The following SLC5A5 variants were observed in gnomAD, a reference collection of about 807,000 sequenced individuals.
SLC5A5 encodes solute carrier family 5 member 5, also known as sodium/iodide cotransporter.
A neutral mutation model predicts 68.6 loss-of-function variants in SLC5A5; 56 were observed. The ratio of observed to expected loss-of-function variants is 0.82; its 90% CI spans 0.66 to 1.02. The LOEUF is 1.02. Among genes scored for constraint, SLC5A5 ranks in the 50% least tolerant of loss-of-function variants. The pLI, the probability that SLC5A5 is intolerant of heterozygous loss-of-function variation, is 0.00. For missense variants in SLC5A5, 807 were observed against 859.8 expected, an observed-to-expected ratio of 0.94 and a Z score of 0.77; for synonymous variants, 398 against 373.0, an observed-to-expected ratio of 1.07 and a Z score of -0.77.
intron 2 of SLC5A5, 54 bp from the exon 3 acceptor site, chr19:17,874,439 TC>T: frequency 6.4e-7 from 1 of 1,552,504 alleles, no homozygotes; most frequent in Non-Finnish European, 8.9e-7. Context: ...CCTCTCCCCA[TC>T]CCCAACTCGC....
chr19:17,888,528 G>C (rs1460331270), intron 13 of SLC5A5, 73 bp downstream of exon 13: 1 of 1,578,020 alleles, frequency 6.3e-7, no homozygotes, highest in Non-Finnish European at 8.7e-7. Flanking sequence ...ACCCAGCAGG[G>C]AGGGGAGAAA....
chr19:17,892,452 A>G (rs905525540), intron 14 of SLC5A5, among the ~76,000 whole-genome samples: 5 of 152,028 alleles, frequency 3.3e-5, no homozygotes, highest in Admixed American at 2.0e-4. Context: ...CCTGGCCAAC[A>G]TGGTGAAACC....
At chr19:17,893,611 C>A (rs944997891) in intron 14 of SLC5A5, 102 bp from the exon 15 acceptor site, 1 of 1,192,086 alleles carries the variant, frequency 8.4e-7, no homozygotes, top group East Asian at 2.5e-5. Flanking sequence ...GTGCACGCCC[C>A]GTCCCGCCAG....
At position 17,882,259 on chromosome 19, in the gene SLC5A5, G is replaced by A. The variant is rs555136045; in HGVS notation, c.1242+40G>A. On this transcript the variant is annotated intron_variant, in intron 10 of 14. Transcript: ENST00000222248. ...GCCCCCTGCCCTGGTCTCCTGAGAGGTGGGGGCACCTTTCCCTCTTTCCCA... is the reference window on the plus strand; with the variant it reads ...GCCCCCTGCCCTGGTCTCCTGAGAGATGGGGGCACCTTTCCCTCTTTCCCA... 68 of 1,524,612 alleles carry A rather than the reference G, an allele frequency of 4.5e-5. No individual in the cohort carries two copies. The East Asian group carries it at 1.4e-3, about 30-fold the overall frequency. 94.4% of individuals were successfully genotyped at this position (1,524,612 alleles called of 1,614,324 possible). A position where few individuals can be genotyped will look rare whatever the true frequency, so the allele number is the denominator to read the frequency against.
At chr19:17,872,740 G>A in intron 1 of SLC5A5, 64 bp downstream of exon 1, 1 of 1,075,406 alleles carries the variant, frequency 9.3e-7, no homozygotes, top group Non-Finnish European at 1.4e-6. Flanking sequence ...CCGTGTGGGG[G>A]AGGCGCTGGG....
chr19:17,874,474 GC>G lies in SLC5A5; in HGVS notation c.424-16del, dbSNP rs766017986. On this transcript the variant is annotated intron_variant, in intron 2 of 14. Transcript: ENST00000222248. ...GCCCAGACGCCCTCCCTGCTCACCCGCCCCACACTCTGTCTACAGATGCTGT... is the reference window on the plus strand; with the variant it reads ...GCCCAGACGCCCTCCCTGCTCACCCGCCCACACTCTGTCTACAGATGCTGT... 2.5e-6 allele frequency: 4 copies of G among 1,613,186 alleles called. No individual in the cohort carries two copies. Among genetic ancestry groups the G allele is most frequent in the Non-Finnish European group, 3.4e-6 (4 of 1,179,700 alleles).
Position 17,892,695 on chromosome 19 carries a change from A to C in SLC5A5, c.1768-1018A>C, listed in dbSNP as rs142375706. On this transcript the variant is annotated intron_variant, in intron 14 of 14. Coordinates refer to ENST00000222248, the MANE Select transcript of SLC5A5 (RefSeq NM_000453.3). ...GAGAGAGAGAGAGAGAGAGAGAGAGAGAGCAAGCTAAAAAGAAAAACGTGT... is the reference window on the plus strand; with the variant it reads ...GAGAGAGAGAGAGAGAGAGAGAGAGCGAGCAAGCTAAAAAGAAAAACGTGT... 9.2e-4 allele frequency among the ~76,000 whole-genome samples: 137 copies of C among 148,704 alleles called. No individual in the cohort carries two copies. The East Asian group carries it at 0.011, about 12-fold the overall frequency.
chr19:17,874,107 T>G, intron 1 of SLC5A5, 31 bp from the exon 2 acceptor site: 1 of 1,548,612 alleles, frequency 6.5e-7, no homozygotes, highest in Non-Finnish European at 8.9e-7. Flanking sequence ...GGGTAAGGAC[T>G]GTCCAGGTGA....
At chr19:17,877,884 G>C (rs549869281) in intron 6 of SLC5A5, 21 bp downstream of exon 6, 1 of 1,614,072 alleles carries the variant, frequency 6.2e-7, no homozygotes, top group African/African-American at 1.3e-5. Context: ...CGGGGAGCAA[G>C]GTCGGGGTTT....
At chr19:17,882,734 A>G (rs1789580896) in intron 10 of SLC5A5, among the ~76,000 whole-genome samples, 1 of 151,328 alleles carries the variant, frequency 6.6e-6, no homozygotes, top group Admixed American at 6.6e-5. Context: ...CCCAGGCTGG[A>G]GTGCAGTGGC....
intron 14 of SLC5A5, among the ~76,000 whole-genome samples, chr19:17,893,187 A>G (rs1599937728): frequency 6.9e-6 from 1 of 144,566 alleles, no homozygotes. Flanking sequence ...TGCAGCCCCA[A>G]CCTCCATGGT....
intron 1 of SLC5A5, among the ~76,000 whole-genome samples, chr19:17,873,040 G>A (rs1483662393): frequency 1.3e-5 from 2 of 152,192 alleles, no homozygotes; most frequent in Admixed American, 1.3e-4. Context: ...CGGCTCCGGG[G>A]TTCGAAACCT....
In SLC5A5 at chr19:17,874,503, A is replaced by G. The variant is rs776374793; in HGVS notation, c.433A>G (p.Thr145Ala). 1 of 1,613,780 alleles carries G rather than the reference A, an allele frequency of 6.2e-7. No homozygotes were observed. Among genetic ancestry groups the G allele is most frequent in the East Asian group, 2.2e-5 (1 of 44,870 alleles). ...CACACTCTGTCTACAGATGCTGTAC[A>G]CCGGCATCGTAATCTACGCACCGGC... ...LQYIVATMLY[T>A]GIVIYAPALI... The change falls in exon 3 of 15, where the codon ACC becomes GCC. Residue 145 changes from threonine (T) to alanine (A), a missense_variant. By Grantham distance (58) the Thr-to-Ala change is moderately conservative (BLOSUM62 0). Transcript: ENST00000222248.
intron 12 of SLC5A5, 21 bp downstream of exon 12, chr19:17,884,067 G>A (rs777174344): frequency 2.0e-6 from 3 of 1,537,664 alleles, no homozygotes; most frequent in East Asian, 4.8e-5. Context: ...TTGAGGGTAG[G>A]GGGGTACCCG....
Position 17,894,010 on chromosome 19 carries a change from A to C in SLC5A5, c.*133A>C. 2.3e-6 allele frequency: 2 copies of C among 878,798 alleles called. No individual in the cohort carries two copies. Among genetic ancestry groups the C allele is most frequent in the South Asian group, 1.5e-5 (1 of 67,196 alleles). The allele number at this position is 878,798 out of a possible 1,614,324, so 54.4% of individuals were successfully genotyped here. On this transcript the variant is annotated 3_prime_UTR_variant, in exon 15 of 15. Coordinates refer to ENST00000222248, the MANE Select transcript of SLC5A5 (RefSeq NM_000453.3). Reference sequence around the variant, plus strand: ...ATGCAAATGAGTTCAGGACTACAATACCCTACCCTATGGGGAGGCCCTGCC... The same window carrying C: ...ATGCAAATGAGTTCAGGACTACAATCCCCTACCCTATGGGGAGGCCCTGCC...
chr19:17,884,020 T>G lies in SLC5A5; in HGVS notation c.1500T>G (p.Pro500=), dbSNP rs2094327760. The change falls in exon 12 of 15, where the codon CCT becomes CCG. Residue 500 remains proline (P), a synonymous_variant. Transcript: ENST00000222248. ...GCCTCCTGGACCCGGCTCTCCTCCC[T>G]GCTAACGACTCCAGCAGGGCCCCCA... ...ASGLLDPALL[P]ANDSSRAPSS... The G allele has an allele frequency of 6.4e-7, 1 of 1,571,748 alleles. No homozygotes were observed. The highest frequency in any genetic ancestry group is 8.6e-7 in the Non-Finnish European group (1 of 1,160,812).
chr19:17,874,189 T>C lies in SLC5A5; in HGVS notation c.409T>C (p.Tyr137His), dbSNP rs2094300964. 1.9e-6 allele frequency: 3 copies of C among 1,611,190 alleles called. No homozygotes were observed. The highest frequency in any genetic ancestry group is 3.3e-5 in the Admixed American group (2 of 59,988). Residue 137 changes from tyrosine (Y) to histidine (H), a missense_variant, in exon 2 of 15, where the codon TAC becomes CAC. Transcript: ENST00000222248. ...RAVRLCGTLQYIVATMLYTGI... is the reference protein window; with the variant it reads ...RAVRLCGTLQHIVATMLYTGI... ...AGTGCGGCTCTGCGGGACTTTGCAGTACATTGTAGCCACGGTGAGTGGCCT... is the reference window on the plus strand; with the variant it reads ...AGTGCGGCTCTGCGGGACTTTGCAGCACATTGTAGCCACGGTGAGTGGCCT...
At position 17,875,981 on chromosome 19, in the gene SLC5A5, T is replaced by C; in HGVS notation, c.573T>C (p.Asp191=). The change falls in exon 5 of 15, where the codon GAT becomes GAC. Residue 191 remains aspartate (D), a synonymous_variant. Coordinates refer to ENST00000222248, the MANE Select transcript of SLC5A5 (RefSeq NM_000453.3). The part of the protein sequence containing the change: ...VGGMKAVVWT[D]VFQVVVMLSG... The stretch of plus-strand genomic sequence containing the variant: ...GCATGAAGGCTGTGGTCTGGACTGA[T>C]GTGTTCCAGGTCGTGGTGATGCTAA... The C allele has an allele frequency of 6.2e-7, 1 of 1,614,182 alleles. No individual in the cohort carries two copies. Among genetic ancestry groups the C allele is most frequent in the Non-Finnish European group, 8.5e-7 (1 of 1,180,030 alleles).
chr19:17,882,336 A>AT, intron 10 of SLC5A5, 117 bp downstream of exon 10: 3 of 785,334 alleles, frequency 3.8e-6, no homozygotes, highest in Non-Finnish European at 6.2e-6. Context: ...ACTCACTTCT[A>AT]TGTTTTTTTT....
Sources: allele counts gnomAD v4.1 joint callset (sites outside exome capture counted in the v4.1 genomes callset), GRCh38; gene constraint gnomAD v4.1.1; transcripts MANE v1.5; gene names NCBI Gene and HGNC (gene_info 2026-07-23, HGNC 2026-07-21).